Variants in LGALS12 observed in about 807,000 individuals in gnomAD.
LGALS12 encodes galectin 12, also known as galectin-12.
A neutral mutation model predicts 36.8 loss-of-function variants in LGALS12; 36 were observed. The observed-to-expected ratio is 0.98, with a 90% confidence interval of 0.75 to 1.29. The LOEUF (loss-of-function observed/expected upper bound fraction) is 1.29, where lower values mean the gene tolerates loss of function less well. Ranked by LOEUF, LGALS12 falls within the 50% of genes most tolerant of loss-of-function variation. The pLI is 0.00. For missense variants in LGALS12, 366 were observed against 394.3 expected (o/e 0.93, Z 0.61); for synonymous variants, 145 against 155.9 (o/e 0.93, Z 0.52).
chr11:63,515,091 A>G (rs2017039830), intron 7 of LGALS12, among the ~76,000 whole-genome samples: 1 of 152,214 alleles, frequency 6.6e-6, no homozygotes. Context: ...AGAGATTAAG[A>G]GTCTTGCCCA....
intron 5 of LGALS12, 143 bp from the exon 6 acceptor site, chr11:63,510,936 A>T: frequency 2.6e-6 from 2 of 765,052 alleles, no homozygotes; most frequent in Non-Finnish European, 4.5e-6. Context: ...AGTCCAGAGG[A>T]TCCCACTGGG....
chr11:63,515,494 C>G lies in LGALS12; in HGVS notation c.648-69C>G, dbSNP rs943079788. On this transcript the variant is annotated intron_variant, in intron 7 of 8. Transcript: ENST00000394618. ...TCCACTCCCTGACCTCCATCCTTCC[C>G]CTGGGGGCTGAGCAGCGGCCTATGG... 7.6e-6 allele frequency: 12 copies of G among 1,575,582 alleles called. No homozygotes were observed. The African/African-American group carries it at 1.5e-4, about 19-fold the overall frequency.
At chr11:63,513,120 T>C (rs1253653047) in intron 7 of LGALS12, among the ~76,000 whole-genome samples, 2 of 152,194 alleles carry the variant, frequency 1.3e-5, no homozygotes, top group African/African-American at 4.8e-5. Context: ...TTTTGTCTCT[T>C]ATAAACAGTG....
intron 3 of LGALS12, 132 bp from the exon 4 acceptor site, chr11:63,509,646 C>T: frequency 1.1e-6 from 1 of 887,034 alleles, no homozygotes; most frequent in South Asian, 1.7e-5. Context: ...GTAAAATGTA[C>T]CTACCTCATA....
intron 1 of LGALS12, among the ~76,000 whole-genome samples, chr11:63,507,725 C>CTT (rs199594642): frequency 0.32 from 22,531 of 69,846 alleles, 6,750 homozygotes; most frequent in Non-Finnish European, 0.48. Context: ...CAGGCAACTT[C>CTT]TTTTTTTTTT....
chr11:63,511,783 G>T lies in LGALS12; in HGVS notation c.590G>T (p.Gly197Val), dbSNP rs898715574. ...CCCTGCTCACATGCTCTTCCCCAGG[G>T]TCTCTCGCCTGGGCAGGTCATCATA... is the stretch of plus-strand genomic sequence containing the variant. ...EVPCSHALPQ[G>V]LSPGQVIIVR... Residue 197 changes from glycine to valine, a missense_variant, in exon 7 of 9, where the codon GGT (glycine) becomes GTT (valine). By Grantham distance (109) the Gly-to-Val change is moderately radical (BLOSUM62 -3). Transcript: ENST00000394618. 1.2e-6 allele frequency: 2 copies of T among 1,613,720 alleles called. No individual in the cohort carries two copies. The highest frequency in any genetic ancestry group is 2.7e-5 in the African/African-American group (2 of 75,012).
At chr11:63,515,093 T>C (rs1456857523) in intron 7 of LGALS12, among the ~76,000 whole-genome samples, 1 of 152,060 alleles carries the variant, frequency 6.6e-6, no homozygotes, top group Non-Finnish European at 1.5e-5. Flanking sequence ...AGATTAAGAG[T>C]CTTGCCCAAG....
chr11:63,512,433 C>A (rs1055776478), intron 7 of LGALS12, among the ~76,000 whole-genome samples: 1 of 152,216 alleles, frequency 6.6e-6, no homozygotes, highest in African/African-American at 2.4e-5. Flanking sequence ...GCTCAGGACA[C>A]CTACTTGTGC....
chr11:63,515,811 A>T, intron 8 of LGALS12, 98 bp downstream of exon 8: 1 of 1,345,138 alleles, frequency 7.4e-7, no homozygotes, highest in Admixed American at 2.0e-5. Flanking sequence ...TGCAGGACAG[A>T]TGTTATGGGG....
intron 4 of LGALS12, 34 bp downstream of exon 4, chr11:63,509,931 G>C: frequency 6.2e-7 from 1 of 1,604,318 alleles, no homozygotes. Flanking sequence ...CTGGGCAGTG[G>C]CAGCCTCTAA....
In LGALS12 at chr11:63,509,811, C is replaced by T. The variant is rs754191865; in HGVS notation, c.406C>T (p.Arg136Cys). Residue 136 changes from arginine to cysteine, a missense_variant, in exon 4 of 9, where the codon CGC (arginine) becomes TGC (cysteine). By Grantham distance (180) the Arg-to-Cys change is radical. Coordinates refer to ENST00000394618, the MANE Select transcript of LGALS12 (RefSeq NM_033101.4). Reference protein sequence around the residue: ...SVNGQHFLHFRYRLPLSHVDT... With the variant: ...SVNGQHFLHFCYRLPLSHVDT... ...GAATGGACAGCACTTTCTCCACTTC[C>T]GCTACCGGCTCCCACTGTCTCATGT... 42 of 1,614,060 alleles carry T rather than the reference C, an allele frequency of 2.6e-5. No homozygotes were observed. Among genetic ancestry groups the T allele is most frequent in the Middle Eastern group, 1.6e-4 (1 of 6,080 alleles).
chr11:63,509,511 C>T (rs1366096198), intron 3 of LGALS12, among the ~76,000 whole-genome samples: 2 of 152,190 alleles, frequency 1.3e-5, no homozygotes, highest in Non-Finnish European at 2.9e-5. Flanking sequence ...GCAAAGATGA[C>T]TCTTTGGGCT....
At position 63,506,448 on chromosome 11, in the gene LGALS12, G is replaced by A. The variant is rs2016745697; in HGVS notation, c.-11G>A. The A allele has an allele frequency of 6.2e-7, 1 of 1,614,128 alleles. No homozygotes were observed. The highest frequency in any genetic ancestry group is 1.1e-5 in the South Asian group (1 of 91,084). On this transcript the variant is annotated 5_prime_UTR_variant, in exon 1 of 9. Coordinates refer to ENST00000394618, the MANE Select transcript of LGALS12 (RefSeq NM_033101.4). ...GGAACGAGGATCTACAGTTGGAGTTGCCCCACTGTCATGTCACCTGGAGAA... is the reference window on the plus strand; with the variant it reads ...GGAACGAGGATCTACAGTTGGAGTTACCCCACTGTCATGTCACCTGGAGAA...
Position 63,516,602 on chromosome 11 carries a change from C to T in LGALS12, c.*209C>T, listed in dbSNP as rs569390416. 5 of 603,526 alleles carry T rather than the reference C, an allele frequency of 8.3e-6. No individual in the cohort carries two copies. The highest frequency in any genetic ancestry group is 3.7e-5 in the African/African-American group (2 of 53,392). The allele number at this position is 603,526 out of a possible 1,614,324, so 37.4% of individuals were successfully genotyped here. A position where few individuals can be genotyped will look rare whatever the true frequency, so the allele number is the denominator to read the frequency against. ...TCCTCGAACTCTGCACCTTCCTCCA[C>T]CAGGAGCCTGGGATATGGCTCCATC... On this transcript the variant is annotated 3_prime_UTR_variant, in exon 9 of 9. Transcript: ENST00000394618.
chr11:63,513,131 C>T (rs1172253034), intron 7 of LGALS12, among the ~76,000 whole-genome samples: 1 of 152,150 alleles, frequency 6.6e-6, no homozygotes, highest in Admixed American at 6.5e-5. Flanking sequence ...ATAAACAGTG[C>T]GGTCGTGGGC....
intron 1 of LGALS12, 83 bp from the exon 2 acceptor site, chr11:63,508,470 C>T: frequency 6.4e-7 from 1 of 1,568,748 alleles, no homozygotes; most frequent in Admixed American, 2.0e-5. Context: ...TTTTATTCTG[C>T]TCCTTTCCTC....
chr11:63,508,508 G>C (rs771301477), intron 1 of LGALS12, 45 bp from the exon 2 acceptor site: 1 of 1,613,142 alleles, frequency 6.2e-7, no homozygotes, highest in Non-Finnish European at 8.5e-7. Flanking sequence ...AGGTCCCTAA[G>C]CCCTTTCTCC....
At chr11:63,511,927 T>G in intron 7 of LGALS12, 87 bp downstream of exon 7, 62 of 883,916 alleles carry the variant, frequency 7.0e-5, no homozygotes, top group Non-Finnish European at 9.9e-5. Context: ...TTTAATCTCC[T>G]AGCACCACCA....
chr11:63,516,228 T>C lies in LGALS12; in HGVS notation c.799-19T>C. ...AGTCTGGCTGGAAGCTGCAACCCCC[T>C]CATGTCCTCCTTTCCCAGGTGCTGC... is the stretch of plus-strand genomic sequence containing the variant. On this transcript the variant is annotated intron_variant, in intron 8 of 8. Coordinates refer to ENST00000394618, the MANE Select transcript of LGALS12 (RefSeq NM_033101.4). The C allele has an allele frequency of 6.5e-7, 1 of 1,544,026 alleles. No homozygotes were observed. Among genetic ancestry groups the C allele is most frequent in the Non-Finnish European group, 8.7e-7 (1 of 1,149,792 alleles).
Sources: allele counts gnomAD v4.1 joint callset (sites outside exome capture counted in the v4.1 genomes callset), GRCh38; gene constraint gnomAD v4.1.1; transcripts MANE v1.5; gene names NCBI Gene and HGNC (gene_info 2026-07-23, HGNC 2026-07-21).